MTHFD2L: variants seen among roughly 807,000 people sequenced by gnomAD.
The protein encoded by MTHFD2L is methylenetetrahydrofolate dehydrogenase (NADP+ dependent) 2 like.
A neutral mutation model predicts 34.9 loss-of-function variants in MTHFD2L; 29 were observed. That is an observed-to-expected ratio of 0.83 (90% CI 0.62 to 1.13). The LOEUF is 1.13. Among genes scored for constraint, MTHFD2L ranks in the 50% most tolerant of loss-of-function variants. The pLI, the probability that MTHFD2L is intolerant of heterozygous loss-of-function variation, is 0.00. For synonymous variants in MTHFD2L, 167 were observed against 155.7 expected (o/e 1.07, Z -0.54); for missense variants, 481 against 446.5 (o/e 1.08, Z -0.70).
At chr4:74,195,044 G>A (rs973568442) in intron 3 of MTHFD2L, 2 of 152,212 alleles carry the variant, frequency 1.3e-5, no homozygotes, top group Non-Finnish European at 2.9e-5. Context: ...AGAAGGTAGG[G>A]ATTTAGCCTA....
intron 1 of MTHFD2L, among the ~76,000 whole-genome samples, chr4:74,162,839 C>G (rs1725757232): frequency 6.6e-6 from 1 of 152,168 alleles, no homozygotes; most frequent in Non-Finnish European, 1.5e-5. Context: ...GTGTTCTTCT[C>G]TACAAGCAGT....
At chr4:74,272,225 T>G (rs1386254666) in intron 6 of MTHFD2L, among the ~76,000 whole-genome samples, 1 of 152,114 alleles carries the variant, frequency 6.6e-6, no homozygotes, top group Non-Finnish European at 1.5e-5. Context: ...TTAACAGGTG[T>G]GGGATCACGG....
chr4:74,288,574 T>C (rs1018269016), intron 7 of MTHFD2L: 1 of 152,218 alleles, frequency 6.6e-6, no homozygotes, highest in East Asian at 1.9e-4. Context: ...TCAGCTTACC[T>C]ATCCAGAATT....
intron 6 of MTHFD2L, among the ~76,000 whole-genome samples, chr4:74,231,804 A>G (rs912278847): frequency 2.0e-5 from 3 of 152,170 alleles, no homozygotes; most frequent in African/African-American, 7.2e-5. Flanking sequence ...GATCTTAACT[A>G]TGCTGATCTA....
intron 7 of MTHFD2L, among the ~76,000 whole-genome samples, chr4:74,297,154 A>C (rs1405495692): frequency 6.6e-6 from 1 of 152,082 alleles, no homozygotes; most frequent in East Asian, 1.9e-4. Context: ...TCATCCAAAT[A>C]AATTATTATG....
intron 5 of MTHFD2L, among the ~76,000 whole-genome samples, chr4:74,216,446 G>T (rs1737226991): frequency 6.6e-6 from 1 of 151,832 alleles, no homozygotes; most frequent in Non-Finnish European, 1.5e-5. Context: ...ATCCCAGTGT[G>T]GTCAGTGTTG....
chr4:74,123,088 T>C (rs1180734749), upstream of MTHFD2L, among the ~76,000 whole-genome samples: 4 of 152,222 alleles, frequency 2.6e-5, no homozygotes, highest in African/African-American at 4.8e-5. Context: ...TAAATCAGGT[T>C]AAATTTTAAG....
intron 5 of MTHFD2L, among the ~76,000 whole-genome samples, chr4:74,214,013 T>A (rs1736781610): frequency 6.6e-6 from 1 of 151,840 alleles, no homozygotes; most frequent in Admixed American, 6.6e-5. Flanking sequence ...TATTGATTCT[T>A]GTGTATGGTT....
intron 6 of MTHFD2L, among the ~76,000 whole-genome samples, chr4:74,227,651 ATGT>A (rs1477347115): frequency 2.6e-5 from 4 of 152,136 alleles, no homozygotes; most frequent in Non-Finnish European, 4.4e-5. Flanking sequence ...CTAGTAAGAA[ATGT>A]TGTTGGGAAG....
intron 5 of MTHFD2L, among the ~76,000 whole-genome samples, chr4:74,207,064 A>T (rs1735457056): frequency 6.6e-6 from 1 of 151,788 alleles, no homozygotes; most frequent in South Asian, 2.1e-4. Flanking sequence ...CACCCAGATA[A>T]TTTTTTGTAT....
rs149585747 is a variant in MTHFD2L at position 74,145,664 on chromosome 4, C to G, written c.-296-14391C>G. 7.5e-3 allele frequency among the ~76,000 whole-genome samples: 1,142 copies of G among 152,238 alleles called. 20 individuals are homozygous for G. Among genetic ancestry groups the G allele is most frequent in the African/African-American group, 0.026 (1,061 of 41,544 alleles). On this transcript the variant is annotated intron_variant, in intron 1 of 7. Transcript: ENST00000433372. ...GATATGGTTTGGGTTTCTGTCCCCACCCAAATCTCATGTCAAATTGTTACT... is the reference window on the plus strand; with the variant it reads ...GATATGGTTTGGGTTTCTGTCCCCAGCCAAATCTCATGTCAAATTGTTACT...
Position 74,226,395 on chromosome 4 carries a change from A to G in MTHFD2L, c.805+1001A>G, listed in dbSNP as rs544869180. Among the ~76,000 whole-genome samples, 13 of 152,282 alleles carry G rather than the reference A, an allele frequency of 8.5e-5. No homozygotes were observed. In the East Asian group the frequency reaches 2.3e-3, roughly 27 times the overall value. On this transcript the variant is annotated intron_variant, in intron 6 of 7. Coordinates refer to ENST00000325278, the MANE Select transcript of MTHFD2L (RefSeq NM_001144978.3). The stretch of plus-strand genomic sequence containing the variant: ...ACTAGGTTGGGTTCATTGTGTTTTA[A>G]TACTTCCTTCAATGATGAGACTCTT...
At chr4:74,258,660 A>C (rs1744322706) in intron 6 of MTHFD2L, among the ~76,000 whole-genome samples, 1 of 152,174 alleles carries the variant, frequency 6.6e-6, no homozygotes, top group Non-Finnish European at 1.5e-5. Context: ...ACACACATAA[A>C]ATTTATGGAA....
At chr4:74,189,783 T>A (rs930756354) in intron 3 of MTHFD2L, among the ~76,000 whole-genome samples, 1 of 152,162 alleles carries the variant, frequency 6.6e-6, no homozygotes, top group Non-Finnish European at 1.5e-5. Context: ...GTTACTTTTT[T>A]ATTTTTTTCT....
intron 5 of MTHFD2L, among the ~76,000 whole-genome samples, chr4:74,202,426 A>G (rs1028470398): frequency 2.6e-5 from 4 of 152,158 alleles, no homozygotes; most frequent in Non-Finnish European, 5.9e-5. Flanking sequence ...CCTTCCAACA[A>G]GGTTTGTGGC....
intron 1 of MTHFD2L, among the ~76,000 whole-genome samples, chr4:74,168,041 A>T (rs913886556): frequency 6.6e-6 from 1 of 152,144 alleles, no homozygotes; most frequent in Non-Finnish European, 1.5e-5. Context: ...CTTGTTTGTT[A>T]TACTACACTA....
chr4:74,166,243 G>T (rs935106481), intron 1 of MTHFD2L, among the ~76,000 whole-genome samples: 6 of 152,152 alleles, frequency 3.9e-5, no homozygotes, highest in Non-Finnish European at 8.8e-5. Flanking sequence ...GTATCTGTAG[G>T]CCCACACTCT....
chr4:74,134,006 C>T (rs1238455111), intron 1 of MTHFD2L, among the ~76,000 whole-genome samples: 2 of 152,132 alleles, frequency 1.3e-5, no homozygotes, highest in Non-Finnish European at 2.9e-5. Flanking sequence ...GAGGCCTCTT[C>T]CCTGCATTAC....
rs1223046464 is a variant in MTHFD2L, at chr4:74,199,804, T to C, written c.462T>C (p.Asp154=). Residue 154 remains aspartate (D), a synonymous_variant, in exon 4 of 8, where the codon GAT becomes GAC. Coordinates refer to ENST00000325278, the MANE Select transcript of MTHFD2L (RefSeq NM_001144978.3). The part of the protein sequence containing the change: ...LVQLPLPDHV[D]ERTICNGIAP... The stretch of plus-strand genomic sequence containing the variant: ...TTATTTATTTTTCAGACCACGTTGA[T>C]GAGCGAACAATATGCAATGGAATTG... The C allele has an allele frequency of 6.2e-7, 1 of 1,609,936 alleles. No individual in the cohort carries two copies. The highest frequency in any genetic ancestry group is 8.5e-7 in the Non-Finnish European group (1 of 1,178,238).
Sources: gnomAD v4.1 joint callset for allele counts (sites outside exome capture counted in the v4.1 genomes callset) on GRCh38, gnomAD v4.1.1 for gene constraint, MANE v1.5 for transcripts, NCBI Gene and HGNC (gene_info 2026-07-23, HGNC 2026-07-21) for gene names.